IDE: variants seen among roughly 807,000 people sequenced by gnomAD.
The protein encoded by IDE is insulin degrading enzyme.
A neutral mutation model predicts 133.2 loss-of-function variants in IDE; 58 were observed. That is an observed-to-expected ratio of 0.44 (90% CI 0.35 to 0.54). The LOEUF (loss-of-function observed/expected upper bound fraction) is 0.54, where lower values mean the gene tolerates loss of function less well. Ranked by LOEUF, IDE falls within the 20% of genes least tolerant of loss-of-function variation. The pLI is 0.00. For missense variants in IDE, 981 were observed against 1,234.0 expected (o/e 0.79, Z 3.07); for synonymous variants, 396 against 421.3 (o/e 0.94, Z 0.73).
At chr10:92,456,844 C>CAAAAAAAAAAAAAAAAAAAAAAAAAA (rs57422406) in intron 22 of IDE, among the ~76,000 whole-genome samples, 1 of 52,162 alleles carries the variant, frequency 1.9e-5, no homozygotes, top group Non-Finnish European at 3.5e-5. Context: ...GACTCTGTCT[C>CAAAAAAAAAAAAAAAAAAAAAAAAAA]AAAAAAAAAA....
intron 21 of IDE, among the ~76,000 whole-genome samples, chr10:92,463,420 T>C (rs112949828): frequency 2.1e-3 from 322 of 152,304 alleles, no homozygotes; most frequent in Non-Finnish European, 4.2e-3. Flanking sequence ...AATAGATACT[T>C]AGGTATCTGT....
In IDE at chr10:92,465,811, C is replaced by T. The variant is rs766928899; in HGVS notation, c.2353G>A (p.Val785Ile). 3.7e-5 allele frequency: 60 copies of T among 1,613,926 alleles called. No homozygotes were observed. Among genetic ancestry groups the T allele is most frequent in the Non-Finnish European group, 5.0e-5 (59 of 1,179,996 alleles). Residue 785 changes from valine to isoleucine, a missense_variant, in exon 20 of 25, where the codon GTT (valine) becomes ATT (isoleucine). By Grantham distance (29) the Val-to-Ile change is conservative. Around this residue, in one of 2 missense-constraint regions of IDE, gnomAD observed 660 missense variants for 894.7 expected, o/e 0.74. Coordinates refer to ENST00000265986, the MANE Select transcript of IDE (RefSeq NM_004969.4). ...GWFVYQQRNE[V>I]HNNCGIEIYY... ...ATCTCGATGCCACAGTTATTGTGAA[C>T]TTCATTTCTCTGCTGATAAACAAAC...
In IDE at chr10:92,452,058, T is replaced by G. The variant is rs769323261; in HGVS notation, c.*2386A>C. 2.0e-5 allele frequency: 3 copies of G among 152,206 alleles called. No individual in the cohort carries two copies. Among genetic ancestry groups the G allele is most frequent in the Admixed American group, 6.5e-5 (1 of 15,280 alleles). 9.4% of individuals were successfully genotyped at this position (152,206 alleles called of 1,614,324 possible). On this transcript the variant is annotated 3_prime_UTR_variant, in exon 25 of 25. Coordinates refer to ENST00000265986, the MANE Select transcript of IDE (RefSeq NM_004969.4). ...TTCTTAAGGTTGTGAAATTGAGTCT[T>G]CTATTTGACAAAAATCATTGTTACC... is the stretch of plus-strand genomic sequence containing the variant.
intron 14 of IDE, 83 bp downstream of exon 14, chr10:92,483,172 G>A: frequency 1.5e-6 from 1 of 669,340 alleles, no homozygotes; most frequent in Non-Finnish European, 2.6e-6. Context: ...TTCTAGACAT[G>A]GATGTTTAAG....
Position 92,508,737 on chromosome 10 carries a change from T to C in IDE, c.1051A>G (p.Lys351Glu). 1 of 1,613,958 alleles carries C rather than the reference T, an allele frequency of 6.2e-7. No homozygotes were observed. Among genetic ancestry groups the C allele is most frequent in the Non-Finnish European group, 8.5e-7 (1 of 1,179,892 alleles). The change falls in exon 7 of 25, where the codon AAG becomes GAG. Residue 351 changes from lysine to glutamate, a missense_variant. Around this residue, in one of 2 missense-constraint regions of IDE, gnomAD observed 660 missense variants for 894.7 expected, o/e 0.74. Transcript: ENST00000265986. ...TGCCCAGGAGACTTACCCTTTGACT[T>C]AAGTTCTGATAACAGACTTCCAGGA... ...EGPGSLLSEL[K>E]SKGWVNTLVG...
chr10:92,548,749 G>A (rs1842648790), intron 1 of IDE, among the ~76,000 whole-genome samples: 1 of 152,152 alleles, frequency 6.6e-6, no homozygotes, highest in South Asian at 2.1e-4. Flanking sequence ...AGACTATTAG[G>A]AAACCAGGTA....
intron 1 of IDE, chr10:92,541,220 G>A (rs769699064): frequency 3.5e-5 from 12 of 342,058 alleles, no homozygotes; most frequent in African/African-American, 1.5e-4. Flanking sequence ...ACCTATTCCT[G>A]GCAATCCTAT....
At chr10:92,456,894 A>G (rs1474626701) in intron 22 of IDE, among the ~76,000 whole-genome samples, 1 of 149,264 alleles carries the variant, frequency 6.7e-6, no homozygotes, top group Non-Finnish European at 1.5e-5. Flanking sequence ...AAGAAAAGAT[A>G]CTTCCCTTTC....
intron 1 of IDE, among the ~76,000 whole-genome samples, chr10:92,551,257 A>G (rs1842763001): frequency 1.3e-5 from 2 of 152,202 alleles, no homozygotes; most frequent in South Asian, 4.1e-4. Flanking sequence ...CTACCATATG[A>G]ACCTAGAAGA....
chr10:92,555,445 C>T (rs1349616808), intron 1 of IDE, among the ~76,000 whole-genome samples: 1 of 147,792 alleles, frequency 6.8e-6, no homozygotes, highest in Non-Finnish European at 1.5e-5. Flanking sequence ...TGCGGTGAGC[C>T]GTGATAGTGC....
intron 1 of IDE, among the ~76,000 whole-genome samples, chr10:92,540,318 C>G (rs987165334): frequency 6.6e-6 from 1 of 151,694 alleles, no homozygotes; most frequent in East Asian, 1.9e-4. Context: ...GCAGCAAATG[C>G]CTTCAGTGTG....
At chr10:92,494,976 A>C (rs980135104) in intron 11 of IDE, among the ~76,000 whole-genome samples, 2 of 152,214 alleles carry the variant, frequency 1.3e-5, no homozygotes, top group Non-Finnish European at 2.9e-5. Context: ...ACTCTGAATC[A>C]CTTTCTTTGA....
intron 20 of IDE, among the ~76,000 whole-genome samples, chr10:92,465,309 G>T (rs1051826176): frequency 1.1e-4 from 16 of 152,154 alleles, no homozygotes; most frequent in Non-Finnish European, 2.2e-4. Flanking sequence ...ATATAAAGAC[G>T]AATGAGAGAT....
Position 92,478,086 on chromosome 10 carries a change from C to A in IDE, c.1884+1191G>T, listed in dbSNP as rs376062250. Among the ~76,000 whole-genome samples the A allele has an allele frequency of 2.5e-4, 38 of 152,136 alleles. No individual in the cohort carries two copies. In the South Asian group the frequency reaches 4.2e-3, roughly 17 times the overall value. Reference sequence around the variant, plus strand: ...GTGTGCCATAAAAGGGATGTTAACTCGGAATTGAGATATAAGCAAGCTTGG... The same window carrying A: ...GTGTGCCATAAAAGGGATGTTAACTAGGAATTGAGATATAAGCAAGCTTGG... On this transcript the variant is annotated intron_variant, in intron 15 of 24. Transcript: ENST00000265986.
rs752000373 is a variant in IDE at position 92,474,797 on chromosome 10, G to GA, written c.2116+43dup. 26 of 1,565,936 alleles carry GA rather than the reference G, an allele frequency of 1.7e-5. No homozygotes were observed. In the South Asian group the frequency reaches 1.9e-4, roughly 11 times the overall value. On this transcript the variant is annotated intron_variant, in intron 17 of 24. Coordinates refer to ENST00000265986, the MANE Select transcript of IDE (RefSeq NM_004969.4). Reference sequence around the variant, plus strand: ...TCAGAATAAACCAAAATGAATTTAGGAAAAAAATGAAGAAAGCATTAAGCT... The same window carrying GA: ...TCAGAATAAACCAAAATGAATTTAGGAAAAAAAATGAAGAAAGCATTAAGCT...
At position 92,490,525 on chromosome 10, in the gene IDE, T is replaced by G; in HGVS notation, c.1501A>C (p.Lys501Gln). 6.2e-7 allele frequency: 1 copy of G among 1,611,652 alleles called. No homozygotes were observed. Among genetic ancestry groups the G allele is most frequent in the Non-Finnish European group, 8.5e-7 (1 of 1,177,850 alleles). ...RTEEWYGTQY[K>Q]QEAIPDEVIK... is the part of the protein sequence containing the mutation. ...ACTTCATCCGGTATAGCTTCTTGTT[T>G]GTACTGGGTTCCATACCACTCTTCT... is the stretch of plus-strand genomic sequence containing the variant. The change falls in exon 12 of 25, where the codon AAA becomes CAA. Residue 501 changes from lysine to glutamine, a missense_variant. This residue lies in a region of IDE where 660 missense variants were observed against 894.7 expected (regional missense o/e 0.74). Transcript: ENST00000265986.
intron 11 of IDE, 102 bp from the exon 12 acceptor site, chr10:92,490,697 T>G (rs1847293345): frequency 1.4e-6 from 1 of 733,266 alleles, no homozygotes; most frequent in South Asian, 1.7e-5. Context: ...TCCAAGAATG[T>G]GCTGGGCCTC....
At chr10:92,487,340 C>T in intron 12 of IDE, 22 bp from the exon 13 acceptor site, 2 of 1,602,584 alleles carry the variant, frequency 1.2e-6, no homozygotes, top group Non-Finnish European at 1.7e-6. Flanking sequence ...ATGAAACACA[C>T]AAATGCAGTA....
rs1174181896 is a variant in IDE, at chr10:92,456,485, T to C, written c.2824-54A>G. On this transcript the variant is annotated intron_variant, in intron 22 of 24. Coordinates refer to ENST00000265986, the MANE Select transcript of IDE (RefSeq NM_004969.4). ...TTTTGCTCCACTAAAGAACTTACAA[T>C]GAGGTGTTCTCTGAAGACTATGAAG... The C allele has an allele frequency of 6.1e-6, 7 of 1,155,904 alleles. No homozygotes were observed. The Admixed American group carries it at 8.4e-5, about 14-fold the overall frequency. 71.6% of individuals were successfully genotyped at this position (1,155,904 alleles called of 1,614,324 possible).
Sources: gnomAD v4.1 joint callset for allele counts (sites outside exome capture counted in the v4.1 genomes callset) on GRCh38, gnomAD v4.1.1 for gene constraint, gnomAD v4.1.1 regional missense constraint, MANE v1.5 for transcripts, NCBI Gene and HGNC (gene_info 2026-07-23, HGNC 2026-07-21) for gene names.